CDK14: variants seen among roughly 807,000 people sequenced by gnomAD.
CDK14 encodes cyclin dependent kinase 14.
In CDK14, 34 loss-of-function variants were observed where a neutral mutation model predicts 60.7. The ratio of observed to expected loss-of-function variants is 0.56; its 90% CI spans 0.43 to 0.75. The LOEUF (loss-of-function observed/expected upper bound fraction) is 0.75. CDK14 is among the 30% of genes least tolerant of loss of function. The pLI is 0.00. For missense variants in CDK14, 482 were observed against 564.1 expected (o/e 0.85, Z 1.47); for synonymous variants, 197 against 203.7 (o/e 0.97, Z 0.28).
At chr7:91,178,857 A>T (rs367681077) in intron 14 of CDK14, among the ~76,000 whole-genome samples, 1 of 151,442 alleles carries the variant, frequency 6.6e-6, no homozygotes, top group African/African-American at 2.4e-5. Context: ...TACACTGTTG[A>T]TGGGACTGTA....
At chr7:90,639,047 A>G (rs1302686355) in intron 2 of CDK14, among the ~76,000 whole-genome samples, 1 of 152,080 alleles carries the variant, frequency 6.6e-6, no homozygotes, top group Non-Finnish European at 1.5e-5. Flanking sequence ...TTTTTTTCAA[A>G]GTTTTCAACT....
At chr7:90,853,257 G>A (rs1790708810) in intron 5 of CDK14, among the ~76,000 whole-genome samples, 1 of 151,980 alleles carries the variant, frequency 6.6e-6, no homozygotes, top group Non-Finnish European at 1.5e-5. Context: ...CATTTTTTGG[G>A]CTTTTCAACT....
At chr7:90,800,361 T>G (rs1788594593) in intron 5 of CDK14, among the ~76,000 whole-genome samples, 1 of 152,304 alleles carries the variant, frequency 6.6e-6, no homozygotes, top group African/African-American at 2.4e-5. Context: ...GATTTAATTG[T>G]AAAATTTGTA....
intron 11 of CDK14, among the ~76,000 whole-genome samples, chr7:91,056,061 A>T (rs1196710949): frequency 1.3e-5 from 2 of 152,162 alleles, no homozygotes; most frequent in Non-Finnish European, 2.9e-5. Context: ...CCTTTCCAAA[A>T]ACTTTTAAAA....
intron 14 of CDK14, among the ~76,000 whole-genome samples, chr7:91,173,592 G>A (rs1485286376): frequency 2.4e-4 from 36 of 152,174 alleles, no homozygotes; most frequent in Non-Finnish European, 5.3e-4. Flanking sequence ...CAGGTCAGTG[G>A]GTGCATGCAC....
chr7:91,061,059 T>C (rs1449274018), intron 11 of CDK14, among the ~76,000 whole-genome samples: 2 of 152,224 alleles, frequency 1.3e-5, no homozygotes, highest in Non-Finnish European at 2.9e-5. Flanking sequence ...CATTTGATCT[T>C]TTCACATAGT....
rs546606765 is a variant in CDK14 at position 90,716,516 on chromosome 7, T to G, written c.124-10051T>G. 2.6e-5 allele frequency: 4 copies of G among 152,200 alleles called. No individual in the cohort carries two copies. In the South Asian group the frequency reaches 8.3e-4, roughly 32 times the overall value. The allele number at this position is 152,200 out of a possible 1,614,324, so 9.4% of individuals were successfully genotyped here. A position where few individuals can be genotyped will look rare whatever the true frequency, so the allele number is the denominator to read the frequency against. On this transcript the variant is annotated intron_variant, in intron 2 of 14. Transcript: ENST00000380050. ...TGTTCCTATATTAGAGACACATACATCTATAAATTTCTATGCAGGAAGTAA... is the reference window on the plus strand; with the variant it reads ...TGTTCCTATATTAGAGACACATACAGCTATAAATTTCTATGCAGGAAGTAA...
intron 8 of CDK14, among the ~76,000 whole-genome samples, chr7:90,947,155 C>CGT (rs1794125747): frequency 1.3e-5 from 2 of 152,172 alleles, no homozygotes; most frequent in South Asian, 4.1e-4. Context: ...CTAATGTACT[C>CGT]GTGTTTTTGG....
intron 14 of CDK14, among the ~76,000 whole-genome samples, chr7:91,132,783 G>C (rs1408283491): frequency 6.6e-6 from 1 of 152,054 alleles, no homozygotes; most frequent in African/African-American, 2.4e-5. Context: ...GCAGAACTTT[G>C]CGTGAAGCCA....
Position 90,871,273 on chromosome 7 carries a change from G to A in CDK14, c.639+8004G>A, listed in dbSNP as rs554164263. Among the ~76,000 whole-genome samples the A allele has an allele frequency of 1.3e-4, 20 of 152,012 alleles. No individual in the cohort carries two copies. The South Asian group carries it at 4.0e-3, about 30-fold the overall frequency. On this transcript the variant is annotated intron_variant, in intron 6 of 14. Transcript: ENST00000380050. ...GAATTATCATGGGGATAAGTAAAAC[G>A]GTATATTTGGTTTTAAAAAAAGAAA...
intron 6 of CDK14, among the ~76,000 whole-genome samples, chr7:90,870,922 A>G (rs1791350931): frequency 6.6e-6 from 1 of 152,200 alleles, no homozygotes; most frequent in African/African-American, 2.4e-5. Flanking sequence ...AGTTTGAGAT[A>G]TTTATGAGAT....
chr7:91,209,157 T>C lies in CDK14; in HGVS notation c.*2021T>C, dbSNP rs1317259381. ...AGCAAGAGCAACTGATGATTAAATG[T>C]TGCTTTTTAATAAGGTTTTTAACTT... is the stretch of plus-strand genomic sequence containing the variant. On this transcript the variant is annotated 3_prime_UTR_variant, in exon 15 of 15. Transcript: ENST00000380050. 6.6e-6 allele frequency: 1 copy of C among 152,384 alleles called. No homozygotes were observed. Among genetic ancestry groups the C allele is most frequent in the East Asian group, 1.9e-4 (1 of 5,194 alleles). 9.4% of individuals were successfully genotyped at this position (152,384 alleles called of 1,614,324 possible).
intron 2 of CDK14, among the ~76,000 whole-genome samples, chr7:90,633,632 C>T (rs1019185976): frequency 4.6e-5 from 7 of 152,164 alleles, no homozygotes; most frequent in African/African-American, 1.2e-4. Flanking sequence ...GTTCCTTGAG[C>T]GAATAAAATC....
chr7:91,156,585 C>G (rs747408087), intron 14 of CDK14, among the ~76,000 whole-genome samples: 1 of 152,146 alleles, frequency 6.6e-6, no homozygotes, highest in Non-Finnish European at 1.5e-5. Context: ...AGAAGCAATT[C>G]GTACTCCCCA....
intron 2 of CDK14, among the ~76,000 whole-genome samples, chr7:90,684,876 G>T (rs764496453): frequency 2.0e-5 from 3 of 151,794 alleles, no homozygotes; most frequent in Non-Finnish European, 4.4e-5. Flanking sequence ...TGATTGTATT[G>T]CTAGGGGCAG....
intron 5 of CDK14, among the ~76,000 whole-genome samples, chr7:90,853,270 A>G (rs1221617958): frequency 1.3e-5 from 2 of 152,152 alleles, no homozygotes; most frequent in Admixed American, 1.3e-4. Flanking sequence ...TTTCAACTGA[A>G]CGGGAAAAAA....
intron 2 of CDK14, among the ~76,000 whole-genome samples, chr7:90,696,326 A>ACTACTT (rs1563047913): frequency 1.1e-5 from 1 of 88,264 alleles, no homozygotes; most frequent in Non-Finnish European, 2.1e-5. Flanking sequence ...TTGGTTTTGT[A>ACTACTT]CTTCTTCTTC....
At chr7:90,716,764 T>A (rs984141326) in intron 2 of CDK14, among the ~76,000 whole-genome samples, 2 of 152,102 alleles carry the variant, frequency 1.3e-5, no homozygotes, top group Non-Finnish European at 2.9e-5. Context: ...TTATCACTCA[T>A]TGTACACAGA....
intron 12 of CDK14, among the ~76,000 whole-genome samples, chr7:91,106,817 A>T (rs572634307): frequency 2.0e-5 from 3 of 152,178 alleles, no homozygotes; most frequent in South Asian, 4.1e-4. Context: ...ACACCAAGAG[A>T]GGTCACTGCT....
Sources: allele counts gnomAD v4.1 joint callset (sites outside exome capture counted in the v4.1 genomes callset), GRCh38; gene constraint gnomAD v4.1.1; transcripts MANE v1.5; gene names NCBI Gene and HGNC (gene_info 2026-07-23, HGNC 2026-07-21).